ECE1: variants seen among roughly 807,000 people sequenced by gnomAD.
ECE1 encodes the protein endothelin converting enzyme 1, also known as endothelin-converting enzyme 1.
A neutral mutation model predicts 98.6 loss-of-function variants in ECE1; 35 were observed. The observed-to-expected ratio is 0.35, with a 90% CI of 0.27 to 0.47. The LOEUF is 0.47. Ranked by LOEUF, ECE1 falls within the 20% of genes least tolerant of loss-of-function variation. The probability of loss-of-function intolerance (pLI) is 1.00; values close to 1 mark genes in which losing one functional copy is unlikely to be tolerated. For missense variants in ECE1, 814 were observed against 1,025.3 expected (o/e 0.79, Z 2.81); for synonymous variants, 394 against 407.1 (o/e 0.97, Z 0.39).
intron 14 of ECE1, 150 bp from the exon 15 acceptor site, chr1:21,228,191 G>A: frequency 1.7e-6 from 1 of 602,940 alleles, no homozygotes; most frequent in Non-Finnish European, 2.9e-6. Flanking sequence ...CAAGTACAAG[G>A]ACATCTACAG....
chr1:21,247,091 G>A, intron 9 of ECE1, 130 bp downstream of exon 9: 8 of 1,287,508 alleles, frequency 6.2e-6, no homozygotes, highest in Non-Finnish European at 7.8e-6. Flanking sequence ...AGGATGTCCT[G>A]CTGCCTCTCG....
chr1:21,338,564 C>T (rs901066788), intron 1 of ECE1, among the ~76,000 whole-genome samples: 1 of 152,222 alleles, frequency 6.6e-6, no homozygotes, highest in Non-Finnish European at 1.5e-5. Context: ...AGTCTATCCT[C>T]TGAATGAGAG....
chr1:21,290,722 T>C (rs889086328), upstream of ECE1, among the ~76,000 whole-genome samples: 3 of 152,182 alleles, frequency 2.0e-5, no homozygotes, highest in African/African-American at 7.2e-5. The surrounding 1 kb of genome is among the most constrained non-coding windows in gnomAD (Gnocchi z 7.3). Flanking sequence ...CAGTGGCAGA[T>C]AACAAAAGTA....
intron 1 of ECE1, among the ~76,000 whole-genome samples, chr1:21,344,414 G>A (rs1383176093): frequency 6.6e-6 from 1 of 152,228 alleles, no homozygotes; most frequent in African/African-American, 2.4e-5. Flanking sequence ...GCACAGAACA[G>A]AACTAGGAGA....
At chr1:21,274,167 G>A (rs2098243799) in intron 3 of ECE1, among the ~76,000 whole-genome samples, 1 of 152,274 alleles carries the variant, frequency 6.6e-6, no homozygotes, top group Non-Finnish European at 1.5e-5. Flanking sequence ...AACTGAGGGA[G>A]TGAACGGAAC....
intron 1 of ECE1, among the ~76,000 whole-genome samples, chr1:21,335,310 T>A (rs954589037): frequency 6.6e-6 from 1 of 152,150 alleles, no homozygotes; most frequent in African/African-American, 2.4e-5. Context: ...TTTTGTCTCC[T>A]TTCTTCTCTC....
chr1:21,279,017 G>A (rs573337283), intron 3 of ECE1, among the ~76,000 whole-genome samples, 174 bp downstream of exon 3: 31 of 152,238 alleles, frequency 2.0e-4, no homozygotes, highest in South Asian at 1.0e-3. Context: ...TATCACCCAC[G>A]CTGCCCACTT....
In ECE1 at chr1:21,272,705, G is replaced by C. The variant is rs763236315; in HGVS notation, c.487C>G (p.Leu163Val). ...WEHNQAIIKH[L>V]LENSTASVSE... ...CTCCATGCTGGATGCTTACCGAGGA[G>C]GTGCTTGATGATTGCTTGGTTGTGT... The change falls in exon 4 of 19, where the codon CTC becomes GTC. Residue 163 changes from leucine (L) to valine (V), a missense_variant. Around this residue, in one of 3 missense-constraint regions of ECE1, gnomAD observed 257 missense variants for 278.9 expected, o/e 0.92. Coordinates refer to ENST00000374893, the MANE Select transcript of ECE1 (RefSeq NM_001397.3). The C allele has an allele frequency of 6.3e-5, 101 of 1,614,150 alleles. 1 individual carries two copies. The South Asian group carries it at 1.1e-3, about 17-fold the overall frequency.
Position 21,228,450 on chromosome 1 carries a change from G to A in ECE1, c.1671-409C>T, listed in dbSNP as rs563347620. On this transcript the variant is annotated intron_variant, in intron 14 of 18. Transcript: ENST00000374893. The stretch of plus-strand genomic sequence containing the variant: ...GTTAATTAATGATGTCATATCACAC[G>A]GTGGAATACTGAGGTTCTTACAAAG... Among the ~76,000 whole-genome samples the A allele has an allele frequency of 1.4e-4, 22 of 152,182 alleles. No individual in the cohort carries two copies. In the South Asian group the frequency reaches 3.7e-3, roughly 26 times the overall value.
At chr1:21,266,932 T>C (rs1356361399) in intron 4 of ECE1, 2 of 152,258 alleles carry the variant, frequency 1.3e-5, no homozygotes, top group East Asian at 1.9e-4. Context: ...CCTCACATCG[T>C]TGAGTCAATG....
chr1:21,313,814 C>T (rs1322455232), intron 1 of ECE1, among the ~76,000 whole-genome samples: 1 of 152,174 alleles, frequency 6.6e-6, no homozygotes. Flanking sequence ...CATGAAAAGG[C>T]ACATGGGGAA....
chr1:21,232,823 G>A (rs2098183468), intron 14 of ECE1, among the ~76,000 whole-genome samples: 1 of 151,950 alleles, frequency 6.6e-6, no homozygotes, highest in Non-Finnish European at 1.5e-5. Flanking sequence ...GACTACAGGT[G>A]TGCGCCACCA....
chr1:21,263,204 C>T lies in ECE1; in HGVS notation c.494-2812G>A, dbSNP rs537766638. Among the ~76,000 whole-genome samples, 15 of 152,202 alleles carry T rather than the reference C, an allele frequency of 9.9e-5. No individual in the cohort carries two copies. In the South Asian group the frequency reaches 3.1e-3, roughly 32 times the overall value. Reference sequence around the variant, plus strand: ...CCATGTCTTAGTGGTCCCTGCAGCCCCAGAACCAGCCCTGGATAGGGACCT... The same window carrying T: ...CCATGTCTTAGTGGTCCCTGCAGCCTCAGAACCAGCCCTGGATAGGGACCT... On this transcript the variant is annotated intron_variant, in intron 4 of 18. Coordinates refer to ENST00000374893, the MANE Select transcript of ECE1 (RefSeq NM_001397.3).
intron 4 of ECE1, chr1:21,267,288 G>A (rs1256413032): frequency 3.3e-5 from 5 of 152,598 alleles, no homozygotes; most frequent in Non-Finnish European, 5.9e-5. Flanking sequence ...TGTTGATACA[G>A]ACATACCCAA....
rs115403941 is a variant in ECE1 at position 21,241,063 on chromosome 1, C to T, written c.1279-2819G>A. Among the ~76,000 whole-genome samples the T allele has an allele frequency of 4.4e-3, 667 of 152,350 alleles. 3 individuals are homozygous for T. Among genetic ancestry groups the T allele is most frequent in the African/African-American group, 0.015 (638 of 41,582 alleles). On this transcript the variant is annotated intron_variant, in intron 10 of 18. Transcript: ENST00000374893. ...TGAGAGAAACAGACATGTAATTGCA[C>T]CATCCACAGCAGTAATCACAGTGAA...
chr1:21,300,602 T>C (rs1254177423), intron 1 of ECE1, among the ~76,000 whole-genome samples: 1 of 152,128 alleles, frequency 6.6e-6, no homozygotes, highest in East Asian at 1.9e-4. Flanking sequence ...ACCCGGCTAA[T>C]TTTTTATATT....
intron 3 of ECE1, among the ~76,000 whole-genome samples, chr1:21,276,220 T>G (rs1490495807): frequency 6.6e-6 from 1 of 152,064 alleles, no homozygotes; most frequent in Non-Finnish European, 1.5e-5. Context: ...GACACGAGGT[T>G]TCACCATGTT....
At chr1:21,303,669 G>A (rs1391147915) in intron 1 of ECE1, among the ~76,000 whole-genome samples, 2 of 152,158 alleles carry the variant, frequency 1.3e-5, no homozygotes, top group African/African-American at 4.8e-5. Context: ...TGTTTTTTGA[G>A]ACAGGGTCTC....
rs371315212 is a variant in ECE1, at chr1:21,279,830, C to T, written c.139-498G>A. On this transcript the variant is annotated intron_variant, in intron 2 of 18. Transcript: ENST00000374893. ...ATCCCACGCAAAAACACGCGAGCCACCTTGTTATTTTTCTTTTTACAAGTG... is the reference window on the plus strand; with the variant it reads ...ATCCCACGCAAAAACACGCGAGCCATCTTGTTATTTTTCTTTTTACAAGTG... 177 of 603,248 alleles carry T rather than the reference C, an allele frequency of 2.9e-4. 2 individuals carry two copies. The highest frequency in any genetic ancestry group is 2.8e-3 in the Admixed American group (53 of 19,178). The allele number at this position is 603,248 out of a possible 1,614,324, so 37.4% of individuals were successfully genotyped here. A position where few individuals can be genotyped will look rare whatever the true frequency, so the allele number is the denominator to read the frequency against.
Sources: allele counts gnomAD v4.1 joint callset (sites outside exome capture counted in the v4.1 genomes callset), GRCh38; gene constraint gnomAD v4.1.1; regional missense constraint gnomAD v4.1.1; non-coding constraint Gnocchi (gnomAD v3.1); transcripts MANE v1.5; gene names NCBI Gene and HGNC (gene_info 2026-07-23, HGNC 2026-07-21).